Variants in NRCAM observed in about 807,000 individuals in gnomAD.
The protein encoded by NRCAM is NgCAM-related cell adhesion molecule.
In NRCAM, 83 loss-of-function variants were observed where a neutral mutation model predicts 156.5. The ratio of observed to expected loss-of-function variants is 0.53; its 90% CI spans 0.44 to 0.64. The LOEUF is 0.64. NRCAM is among the 30% of genes least tolerant of loss of function. The pLI is 0.00. For synonymous variants in NRCAM, 538 were observed against 563.9 expected, an observed-to-expected ratio of 0.95 and a Z score of 0.65; for missense variants, 1,417 against 1,597.3, an observed-to-expected ratio of 0.89 and a Z score of 1.92.
In NRCAM at chr7:108,232,308, T is replaced by A; in HGVS notation, c.427+18A>T. ...ATACTTTAAAAAGGGTCATGTTGGT[T>A]GACAAGTTTCCACTTACTGGATGGG... On this transcript the variant is annotated intron_variant, in intron 7 of 32. Coordinates refer to ENST00000379028, the MANE Select transcript of NRCAM (RefSeq NM_001037132.4). 1 of 1,575,140 alleles carries A rather than the reference T, an allele frequency of 6.3e-7. No homozygotes were observed. Among genetic ancestry groups the A allele is most frequent in the East Asian group, 2.3e-5 (1 of 43,578 alleles).
intron 28 of NRCAM, among the ~76,000 whole-genome samples, chr7:108,173,552 T>C (rs2059337378): frequency 6.6e-6 from 1 of 152,150 alleles, no homozygotes; most frequent in South Asian, 2.1e-4. Context: ...GATCACAAAT[T>C]ATGCTTGAGC....
chr7:108,176,718 T>G, intron 26 of NRCAM, 112 bp from the exon 27 acceptor site: 1 of 756,018 alleles, frequency 1.3e-6, no homozygotes, highest in Admixed American at 2.9e-5. Context: ...TTGACTTTTA[T>G]AATCCCACTC....
At position 108,390,932 on chromosome 7, in the gene NRCAM, G is replaced by C. The variant is rs577519862; in HGVS notation, c.-174+8504C>G. On this transcript the variant is annotated intron_variant, in intron 2 of 32. Coordinates refer to ENST00000379028, the MANE Select transcript of NRCAM (RefSeq NM_001037132.4). ...TTCTAGTTTGATTGCACTGTGGTCTGAGAGACAGTTTGTTATAGTTTCTGT... is the reference window on the plus strand; with the variant it reads ...TTCTAGTTTGATTGCACTGTGGTCTCAGAGACAGTTTGTTATAGTTTCTGT... Among the ~76,000 whole-genome samples, 10 of 152,348 alleles carry C rather than the reference G, an allele frequency of 6.6e-5. No individual in the cohort carries two copies. In the East Asian group the frequency reaches 1.9e-3, roughly 29 times the overall value.
chr7:108,194,444 T>A lies in NRCAM; in HGVS notation c.1464-16A>T, dbSNP rs2073793089. The A allele has an allele frequency of 6.5e-7, 1 of 1,545,938 alleles. No individual in the cohort carries two copies. The highest frequency in any genetic ancestry group is 8.8e-7 in the Non-Finnish European group (1 of 1,136,710). On this transcript the variant is annotated splice_polypyrimidine_tract_variant and intron_variant, in intron 15 of 32. Coordinates refer to ENST00000379028, the MANE Select transcript of NRCAM (RefSeq NM_001037132.4). The stretch of plus-strand genomic sequence containing the variant: ...TCCTTTAAACCTTCATTACAGAAAT[T>A]ATCACAATGAGAATAAAAACACATT...
At chr7:108,370,736 T>A (rs2099623092) in intron 2 of NRCAM, among the ~76,000 whole-genome samples, 2 of 152,132 alleles carry the variant, frequency 1.3e-5, no homozygotes, top group South Asian at 4.1e-4. Flanking sequence ...ATCTCCCACA[T>A]TATATATACA....
At chr7:108,323,753 A>C (rs1306273926) in intron 2 of NRCAM, among the ~76,000 whole-genome samples, 1 of 152,162 alleles carries the variant, frequency 6.6e-6, no homozygotes, top group Admixed American at 6.5e-5. Context: ...ATTGTGTTTT[A>C]GGTTGCAAAA....
intron 11 of NRCAM, among the ~76,000 whole-genome samples, chr7:108,211,015 A>C (rs760969922): frequency 2.0e-5 from 3 of 152,220 alleles, no homozygotes; most frequent in Non-Finnish European, 4.4e-5. Flanking sequence ...TAGCTCCAGA[A>C]TAACTGCAAG....
chr7:108,161,569 A>T (rs2049011514), intron 30 of NRCAM, among the ~76,000 whole-genome samples: 1 of 152,196 alleles, frequency 6.6e-6, no homozygotes, highest in African/African-American at 2.4e-5. Context: ...AAGCATGCTT[A>T]TATCATGCTT....
At chr7:108,174,282 G>A (rs1009011663) in intron 28 of NRCAM, among the ~76,000 whole-genome samples, 4 of 152,236 alleles carry the variant, frequency 2.6e-5, no homozygotes, top group African/African-American at 9.6e-5. Flanking sequence ...CTATCTGATC[G>A]ATATTTTGTA....
At chr7:108,301,861 G>A (rs1185916379) in intron 3 of NRCAM, among the ~76,000 whole-genome samples, 1 of 152,028 alleles carries the variant, frequency 6.6e-6, no homozygotes, top group East Asian at 1.9e-4. Flanking sequence ...AATTCCCTCT[G>A]AGGCCAATAC....
intron 2 of NRCAM, among the ~76,000 whole-genome samples, chr7:108,365,376 A>G (rs2099585749): frequency 6.6e-6 from 1 of 152,122 alleles, no homozygotes; most frequent in African/African-American, 2.4e-5. Flanking sequence ...ACTCCATAAA[A>G]TTATCTTCAA....
intron 18 of NRCAM, 127 bp from the exon 19 acceptor site, chr7:108,191,410 GAC>G: frequency 2.8e-6 from 2 of 702,744 alleles, no homozygotes; most frequent in Non-Finnish European, 4.6e-6. Context: ...TTAGCTGTGA[GAC>G]ACAGCATTGA....
At chr7:108,337,156 A>T (rs1296641909) in intron 2 of NRCAM, among the ~76,000 whole-genome samples, 1 of 151,538 alleles carries the variant, frequency 6.6e-6, no homozygotes. Context: ...CCAGCTACTC[A>T]GGTAGGTAAG....
chr7:108,410,145 G>A (rs1354818346), intron 1 of NRCAM, among the ~76,000 whole-genome samples: 3 of 152,140 alleles, frequency 2.0e-5, no homozygotes, highest in Non-Finnish European at 4.4e-5. Flanking sequence ...TGCTGCAACT[G>A]TGCGGACCTC....
At chr7:108,383,550 G>A (rs969864227) in intron 2 of NRCAM, among the ~76,000 whole-genome samples, 3 of 152,156 alleles carry the variant, frequency 2.0e-5, no homozygotes, top group African/African-American at 2.4e-5. Context: ...AGACTTCAAC[G>A]GAGTTCCATC....
chr7:108,179,711 C>T (rs1283324060), intron 25 of NRCAM, among the ~76,000 whole-genome samples: 1 of 152,126 alleles, frequency 6.6e-6, no homozygotes, highest in African/African-American at 2.4e-5. Flanking sequence ...TCCCAATCCA[C>T]TTGGTCAAGA....
Position 108,231,142 on chromosome 7 carries a change from A to C in NRCAM, c.439T>G (p.Trp147Gly). The C allele has an allele frequency of 1.3e-6, 2 of 1,597,662 alleles. No homozygotes were observed. The highest frequency in any genetic ancestry group is 1.7e-6 in the Non-Finnish European group (2 of 1,174,652). ...IVVRPSRSPL[W>G]TKEKLEPITL... ...ATTGGTTCAAGTTTTTCTTTGGTCC[A>C]CAATGGTGATCCTATTAAATAAAAA... Residue 147 changes from tryptophan (W) to glycine (G), a missense_variant, in exon 8 of 33, where the codon TGG becomes GGG. Around this residue, in one of 2 missense-constraint regions of NRCAM, gnomAD observed 1,238 missense variants for 1,336.4 expected, o/e 0.93. Coordinates refer to ENST00000379028, the MANE Select transcript of NRCAM (RefSeq NM_001037132.4).
Position 108,447,751 on chromosome 7 carries a change from T to C in NRCAM, c.-332+8492A>G, listed in dbSNP as rs950914483. On this transcript the variant is annotated intron_variant, in intron 1 of 32. Transcript: ENST00000379028. ...ATTTCTTTTAAATGTAAATGTCTTA[T>C]CATATTTCATTTTTGTAAGGTGACT... 2.6e-5 allele frequency among the ~76,000 whole-genome samples: 4 copies of C among 152,018 alleles called. 1 individual carries two copies. The highest frequency in any genetic ancestry group is 4.4e-5 in the Non-Finnish European group (3 of 67,896).
chr7:108,283,399 G>T (rs2097932723), intron 3 of NRCAM, among the ~76,000 whole-genome samples: 1 of 152,184 alleles, frequency 6.6e-6, no homozygotes, highest in South Asian at 2.1e-4. Flanking sequence ...TGCTATGATT[G>T]CCAAGGAAAG....
Sources: allele counts gnomAD v4.1 joint callset (sites outside exome capture counted in the v4.1 genomes callset), GRCh38; gene constraint gnomAD v4.1.1; regional missense constraint gnomAD v4.1.1; transcripts MANE v1.5; gene names NCBI Gene and HGNC (gene_info 2026-07-23, HGNC 2026-07-21).